The following POLR1A variants were observed in gnomAD, a reference collection of about 807,000 sequenced individuals.
POLR1A encodes the protein DNA-directed RNA polymerase I subunit RPA1.
In POLR1A, 84 loss-of-function variants were observed where a neutral mutation model predicts 205.3. The observed-to-expected ratio is 0.41, with a 90% CI of 0.34 to 0.49. The LOEUF is 0.49. POLR1A is among the 20% of genes least tolerant of loss of function. The pLI is 0.22. For synonymous variants in POLR1A, 799 were observed against 863.7 expected, an observed-to-expected ratio of 0.93 and a Z score of 1.31; for missense variants, 1,645 against 2,204.5, an observed-to-expected ratio of 0.75 and a Z score of 5.08.
At chr2:86,094,413 T>C (rs895603404) in intron 3 of POLR1A, among the ~76,000 whole-genome samples, 2 of 152,232 alleles carry the variant, frequency 1.3e-5, no homozygotes, top group Non-Finnish European at 2.9e-5. Context: ...TTTGTGCCCT[T>C]TGGACATGTC....
chr2:86,051,547 G>A (rs550309975), intron 16 of POLR1A, among the ~76,000 whole-genome samples: 7 of 152,374 alleles, frequency 4.6e-5, no homozygotes, highest in African/African-American at 1.7e-4. Flanking sequence ...AAGCAAAGGA[G>A]CCTTACTTCC....
At chr2:86,077,831 A>C in intron 11 of POLR1A, 28 bp downstream of exon 11, 1 of 1,536,088 alleles carries the variant, frequency 6.5e-7, no homozygotes, top group Non-Finnish European at 8.7e-7. Flanking sequence ...ACACACACAC[A>C]CACACACACA....
At chr2:86,052,164 C>T (rs1672814717) in intron 16 of POLR1A, among the ~76,000 whole-genome samples, 2 of 152,166 alleles carry the variant, frequency 1.3e-5, no homozygotes, top group Non-Finnish European at 2.9e-5. Context: ...AGGCTGGTCT[C>T]GAACTCCTGG....
At chr2:86,084,665 C>CA (rs1228200231) in intron 6 of POLR1A, among the ~76,000 whole-genome samples, 6 of 127,622 alleles carry the variant, frequency 4.7e-5, no homozygotes, top group Non-Finnish European at 6.6e-5. Flanking sequence ...TTGCCTTTTC[C>CA]TTTTTTTTTT....
intron 23 of POLR1A, 47 bp from the exon 24 acceptor site, chr2:86,042,150 G>T: frequency 7.6e-7 from 1 of 1,315,528 alleles, no homozygotes; most frequent in Non-Finnish European, 1.1e-6. Context: ...ATACCCAGTA[G>T]CATAAGAGGG....
chr2:86,070,453 G>A lies in POLR1A; in HGVS notation c.1612-181C>T, dbSNP rs1376575358. Among the ~76,000 whole-genome samples the A allele has an allele frequency of 2.6e-5, 4 of 152,222 alleles. No homozygotes were observed. Among genetic ancestry groups the A allele is most frequent in the African/African-American group, 9.6e-5 (4 of 41,540 alleles). ...GGAAATCTCTGAGAAATACGTCCTA[G>A]GCCCTTCTGGTCCTGGCCCTTTACA... On this transcript the variant is annotated intron_variant, in intron 12 of 33. Transcript: ENST00000263857. This position sits in a 1 kb window ranked among gnomAD's most constrained non-coding sequence, Gnocchi z 4.4.
chr2:86,078,265 G>A lies in POLR1A; in HGVS notation c.1106C>T (p.Ala369Val), dbSNP rs1368208067. 4 of 1,574,144 alleles carry A rather than the reference G, an allele frequency of 2.5e-6. No individual in the cohort carries two copies. Among genetic ancestry groups the A allele is most frequent in the Non-Finnish European group, 2.6e-6 (3 of 1,165,258 alleles). ...TGTACTCAAAAAGGATCGGTCAATA[G>A]CAATCAAAGAGTCTTTTTCCTGGAA... The part of the protein sequence containing the change: ...TTDEEKDSLI[A>V]IDRSFLSTLP... Residue 369 changes from alanine (A) to valine (V), a missense_variant, in exon 10 of 34, where the codon GCT becomes GTT. By Grantham distance (64) the Ala-to-Val change is moderately conservative. Transcript: ENST00000263857.
intron 11 of POLR1A, among the ~76,000 whole-genome samples, chr2:86,077,169 C>G (rs1475542282): frequency 1.3e-5 from 2 of 152,274 alleles, no homozygotes; most frequent in Middle Eastern, 3.4e-3. Flanking sequence ...GAAATTAAAC[C>G]ACCTTCACAT....
chr2:86,051,143 T>C (rs1391463405), intron 16 of POLR1A, among the ~76,000 whole-genome samples: 1 of 152,152 alleles, frequency 6.6e-6, no homozygotes, highest in African/African-American at 2.4e-5. Flanking sequence ...TTACCAGACA[T>C]GAGGATGTAG....
At chr2:86,051,668 T>C (rs1325988919) in intron 16 of POLR1A, among the ~76,000 whole-genome samples, 1 of 152,244 alleles carries the variant, frequency 6.6e-6, no homozygotes, top group Non-Finnish European at 1.5e-5. Context: ...TCTGTGTACA[T>C]GGAGGTGCAG....
chr2:86,080,443 T>G (rs1019539688), intron 9 of POLR1A, among the ~76,000 whole-genome samples: 8 of 152,108 alleles, frequency 5.3e-5, no homozygotes, highest in Non-Finnish European at 1.0e-4. Flanking sequence ...TCTTAAAGCC[T>G]GAGGGAAGTA....
Position 86,105,855 on chromosome 2 carries a change from C to A in POLR1A, c.-79G>T. 3 of 1,283,348 alleles carry A rather than the reference C, an allele frequency of 2.3e-6. No homozygotes were observed. The highest frequency in any genetic ancestry group is 3.4e-6 in the Non-Finnish European group (3 of 894,470). The allele number at this position is 1,283,348 out of a possible 1,614,324, so 79.5% of individuals were successfully genotyped here. ...TGACTATTCTTAATTCAACCTCAAG[C>A]CCGGAGTCACCACGCGATTCAACGT... On this transcript the variant is annotated 5_prime_UTR_variant, in exon 1 of 34. Coordinates refer to ENST00000263857, the MANE Select transcript of POLR1A (RefSeq NM_015425.6).
In POLR1A at chr2:86,032,316, C is replaced by T. The variant is rs1672413689; in HGVS notation, c.4228G>A (p.Ala1410Thr). ...IVDAEAEEGDADASDAKRKEK... is the reference protein window; with the variant it reads ...IVDAEAEEGDTDASDAKRKEK... ...TTGCGTTTGGCATCAGAGGCATCGG[C>T]GTCCCCCTCCTCAGCTTCAGCATCC... The change falls in exon 29 of 34, where the codon GCC becomes ACC. Residue 1410 changes from alanine (A) to threonine (T), a missense_variant. By Grantham distance (58) the Ala-to-Thr change is moderately conservative. Coordinates refer to ENST00000263857, the MANE Select transcript of POLR1A (RefSeq NM_015425.6). 5.6e-6 allele frequency: 9 copies of T among 1,613,590 alleles called. No individual in the cohort carries two copies. The highest frequency in any genetic ancestry group is 4.5e-5 in the East Asian group (2 of 44,878).
At position 86,048,680 on chromosome 2, in the gene POLR1A, C is replaced by T. The variant is rs114161696; in HGVS notation, c.2634+204G>A. Reference sequence around the variant, plus strand: ...ATTCTCTCTTGGCACTATTCTGAGGCCTGTATAGACCCTAACTGGGGCAGG... The same window carrying T: ...ATTCTCTCTTGGCACTATTCTGAGGTCTGTATAGACCCTAACTGGGGCAGG... On this transcript the variant is annotated intron_variant, in intron 18 of 33. Transcript: ENST00000263857. Among the ~76,000 whole-genome samples, 1,080 of 152,348 alleles carry T rather than the reference C, an allele frequency of 7.1e-3. 14 individuals carry two copies. The highest frequency in any genetic ancestry group is 0.024 in the African/African-American group (1,003 of 41,580).
chr2:86,056,823 G>A (rs1234120289), intron 14 of POLR1A, among the ~76,000 whole-genome samples: 3 of 152,126 alleles, frequency 2.0e-5, no homozygotes, highest in African/African-American at 4.8e-5. Flanking sequence ...ACTATTTCAA[G>A]TACCTGTTGA....
At position 86,021,659 on chromosome 2, in the gene POLR1A, G is replaced by T; in HGVS notation, c.*5764C>A. On this transcript the variant is annotated 3_prime_UTR_variant, in exon 34 of 34. Coordinates refer to ENST00000263857, the MANE Select transcript of POLR1A (RefSeq NM_015425.6). Reference sequence around the variant, plus strand: ...TGAAGACGGTGAACTGGCTTGTTTGGGGCAGAAGACTACAAGTTCTGTGAG... The same window carrying T: ...TGAAGACGGTGAACTGGCTTGTTTGTGGCAGAAGACTACAAGTTCTGTGAG... 6.6e-6 allele frequency: 1 copy of T among 152,026 alleles called. No homozygotes were observed. The highest frequency in any genetic ancestry group is 1.5e-5 in the Non-Finnish European group (1 of 68,096). The allele number at this position is 152,026 out of a possible 1,614,324, so 9.4% of individuals were successfully genotyped here. A position where few individuals can be genotyped will look rare whatever the true frequency, so the allele number is the denominator to read the frequency against.
Position 86,025,814 on chromosome 2 carries a change from A to C in POLR1A, c.*1609T>G, listed in dbSNP as rs1573797118. On this transcript the variant is annotated 3_prime_UTR_variant, in exon 34 of 34. Coordinates refer to ENST00000263857, the MANE Select transcript of POLR1A (RefSeq NM_015425.6). ...CTTTAACTCAAAGAATGAATGTCTT[A>C]CCCTGCAGGCTGGGCCCTTCCTGCC... 6.6e-6 allele frequency: 1 copy of C among 152,204 alleles called. No individual in the cohort carries two copies. Among genetic ancestry groups the C allele is most frequent in the African/African-American group, 2.4e-5 (1 of 41,440 alleles). The allele number at this position is 152,204 out of a possible 1,614,324, so 9.4% of individuals were successfully genotyped here. A position where few individuals can be genotyped will look rare whatever the true frequency, so the allele number is the denominator to read the frequency against.
At position 86,031,582 on chromosome 2, in the gene POLR1A, A is replaced by G. The variant is rs1672394720; in HGVS notation, c.4326T>C (p.Asp1442=). The change falls in exon 30 of 34, where the codon GAT becomes GAC. Residue 1442 remains aspartate, a synonymous_variant. Transcript: ENST00000263857. ...GATTTCGTTCCTCCTGCATGTCTTC[A>G]TCGTCGTTCTCCTCGCCCTCCCTCT... The part of the protein sequence containing the change: ...EEEREGEEND[D]EDMQEERNPH... 4 of 1,613,870 alleles carry G rather than the reference A, an allele frequency of 2.5e-6. No homozygotes were observed. Among genetic ancestry groups the G allele is most frequent in the African/African-American group, 1.3e-5 (1 of 75,022 alleles).
intron 14 of POLR1A, among the ~76,000 whole-genome samples, chr2:86,055,837 A>G (rs311581): frequency 0.9 from 136,911 of 152,252 alleles, 61,820 homozygotes; most frequent in East Asian, 0.98. Context: ...GCTCAATGAT[A>G]GAAGACTGGA....
Sources: allele counts gnomAD v4.1 joint callset (sites outside exome capture counted in the v4.1 genomes callset), GRCh38; gene constraint gnomAD v4.1.1; non-coding constraint Gnocchi (gnomAD v3.1); transcripts MANE v1.5; gene names NCBI Gene and HGNC (gene_info 2026-07-23, HGNC 2026-07-21).